ZNF329: variants seen among roughly 807,000 people sequenced by gnomAD.
ZNF329 encodes the protein zinc finger protein 329.
Under a neutral mutation model 26.6 loss-of-function variants are expected in ZNF329, and 15 were observed. That is an observed-to-expected ratio of 0.56 (90% CI 0.38 to 0.87). The LOEUF (loss-of-function observed/expected upper bound fraction) is 0.87, where lower values mean the gene tolerates loss of function less well. Among genes scored for constraint, ZNF329 ranks in the 40% least tolerant of loss-of-function variants. The probability of loss-of-function intolerance (pLI) is 0.00; values close to 1 mark genes in which losing one functional copy is unlikely to be tolerated. For synonymous variants in ZNF329, 239 were observed against 233.5 expected (o/e 1.02, Z -0.21); for missense variants, 651 against 651.9 (o/e 1.00, Z 0.02).
chr19:58,149,395 A>G (rs1000723571), intron 1 of ZNF329, among the ~76,000 whole-genome samples: 1 of 151,962 alleles, frequency 6.6e-6, no homozygotes, highest in Non-Finnish European at 1.5e-5. Flanking sequence ...AGATATAAGA[A>G]CCCTCTGTTG....
chr19:58,142,936 C>G (rs1034126433), intron 2 of ZNF329, among the ~76,000 whole-genome samples, 169 bp downstream of exon 2: 2 of 152,188 alleles, frequency 1.3e-5, no homozygotes, highest in Admixed American at 6.6e-5. Flanking sequence ...CAACCCCAAC[C>G]CCATTACCTA....
chr19:58,147,556 G>GCC (rs1169185332), intron 1 of ZNF329, among the ~76,000 whole-genome samples: 1 of 139,404 alleles, frequency 7.2e-6, no homozygotes, highest in African/African-American at 2.8e-5. Context: ...GGGGGGGTCA[G>GCC]CCCCCCGCCC....
intron 3 of ZNF329, among the ~76,000 whole-genome samples, chr19:58,137,318 C>T (rs1040307559): frequency 1.3e-5 from 2 of 152,108 alleles, no homozygotes; most frequent in South Asian, 4.2e-4. Flanking sequence ...CTTTGGGAGG[C>T]CGAGGCAGGT....
At position 58,138,538 on chromosome 19, in the gene ZNF329, G is replaced by A. The variant is rs987629199; in HGVS notation, c.-9+4019C>T. Among the ~76,000 whole-genome samples the A allele has an allele frequency of 6.6e-5, 10 of 152,294 alleles. No individual in the cohort carries two copies. The East Asian group carries it at 1.2e-3, about 18-fold the overall frequency. On this transcript the variant is annotated intron_variant, in intron 3 of 3. Coordinates refer to ENST00000598312, the MANE Select transcript of ZNF329 (RefSeq NM_024620.4). The stretch of plus-strand genomic sequence containing the variant: ...CCTGGATGCTACAAGGACCCCTCCC[G>A]TGGAAAGGGCTCCTGAAGCTGCCCT...
intron 1 of ZNF329, among the ~76,000 whole-genome samples, chr19:58,150,411 C>A (rs986861501): frequency 6.6e-6 from 1 of 152,180 alleles, no homozygotes; most frequent in African/African-American, 2.4e-5. Context: ...ACCCAGCAGG[C>A]GTGGCAAAAC....
intron 1 of ZNF329, among the ~76,000 whole-genome samples, chr19:58,144,372 C>CTATG (rs2075254469): frequency 6.3e-5 from 5 of 79,492 alleles, no homozygotes; most frequent in Non-Finnish European, 1.3e-4. Flanking sequence ...ATCTATCTAT[C>CTATG]TATCTATCTA....
At chr19:58,147,858 G>T (rs898811051) in intron 1 of ZNF329, among the ~76,000 whole-genome samples, 5 of 151,082 alleles carry the variant, frequency 3.3e-5, no homozygotes, top group Non-Finnish European at 5.9e-5. Context: ...GAAGTGAGGA[G>T]CCCCTATGCC....
At chr19:58,152,217 T>C (rs527901517), upstream of ZNF329, among the ~76,000 whole-genome samples, 38 of 152,232 alleles carry the variant, frequency 2.5e-4, no homozygotes, top group Middle Eastern at 3.4e-3. Flanking sequence ...ATGGAAAGTA[T>C]TTTTTTAATT....
At chr19:58,149,969 T>G (rs904371773) in intron 1 of ZNF329, among the ~76,000 whole-genome samples, 3 of 152,198 alleles carry the variant, frequency 2.0e-5, no homozygotes, top group Non-Finnish European at 4.4e-5. Context: ...GGTGGATTAA[T>G]GAATGGCTGA....
At position 58,148,528 on chromosome 19, in the gene ZNF329, GATA is replaced by G. The variant is rs1180523835; in HGVS notation, c.-208+2221_-208+2223del. On this transcript the variant is annotated intron_variant, in intron 1 of 3. Coordinates refer to ENST00000598312, the MANE Select transcript of ZNF329 (RefSeq NM_024620.4). ...AAAAAAAAAAAGTATACTTGGGTGT[GATA>G]ATAACACTAGTTTTGTTTAAATGTT... 2.0e-5 allele frequency among the ~76,000 whole-genome samples: 3 copies of G among 151,496 alleles called. No homozygotes were observed. The South Asian group carries it at 6.2e-4, about 32-fold the overall frequency.
chr19:58,142,879 G>A (rs1244475266), intron 2 of ZNF329, among the ~76,000 whole-genome samples: 1 of 152,070 alleles, frequency 6.6e-6, no homozygotes, highest in Non-Finnish European at 1.5e-5. Context: ...AGAAAGTCTG[G>A]GAGTTTCCTC....
At chr19:58,135,248 T>C (rs555518735) in intron 3 of ZNF329, among the ~76,000 whole-genome samples, 1 of 151,962 alleles carries the variant, frequency 6.6e-6, no homozygotes, top group African/African-American at 2.4e-5. Flanking sequence ...CAACCAGCCA[T>C]AGTGGGAGGT....
intron 3 of ZNF329, among the ~76,000 whole-genome samples, chr19:58,142,122 A>C (rs1166156380): frequency 1.3e-5 from 2 of 152,312 alleles, no homozygotes; most frequent in Non-Finnish European, 2.9e-5. Flanking sequence ...AAGTCTAACA[A>C]GCCACATACA....
Position 58,128,350 on chromosome 19 carries a change from TGA to T in ZNF329, c.1152_1153del (p.His385ProfsTer15), listed in dbSNP as rs1445012676. The T allele has an allele frequency of 1.2e-6, 2 of 1,613,940 alleles. No individual in the cohort carries two copies. The highest frequency in any genetic ancestry group is 1.7e-6 in the Non-Finnish European group (2 of 1,180,024). ...ATGGATCTTTTGATGCACAATGAGG[TGA>T]GAGTTTCTGTTGAAGGATTTCCCGC... On this transcript the variant is annotated frameshift_variant, in exon 4 of 4. Transcript: ENST00000598312. LOFTEE classifies it high-confidence loss of function.
chr19:58,143,595 C>A (rs1777918954), intron 1 of ZNF329, among the ~76,000 whole-genome samples: 1 of 151,990 alleles, frequency 6.6e-6, no homozygotes. Flanking sequence ...GGACAGAGCC[C>A]CAAACAGACT....
In ZNF329 at chr19:58,129,475, A is replaced by AAAGG. The variant is rs765331911; in HGVS notation, c.28_29insCCTT (p.Phe10SerfsTer4). ...ATCACAGGGTACTTCTCTCTCAGGA[A>AAAGG]AATTCCGAGTCGTCATTTTCAATCT... On this transcript the variant is annotated frameshift_variant, in exon 4 of 4. Coordinates refer to ENST00000598312, the MANE Select transcript of ZNF329 (RefSeq NM_024620.4). LOFTEE classifies it low-confidence loss of function (END_TRUNC). 1.4e-5 allele frequency: 23 copies of AAAGG among 1,597,994 alleles called. No homozygotes were observed. The highest frequency in any genetic ancestry group is 2.0e-5 in the Non-Finnish European group (23 of 1,171,972).
At chr19:58,145,314 CTTTTTTTTTTTTT>C (rs71188087) in intron 1 of ZNF329, among the ~76,000 whole-genome samples, 5 of 106,174 alleles carry the variant, frequency 4.7e-5, no homozygotes, top group Non-Finnish European at 5.4e-5. Context: ...TTTTTTCTTC[CTTTTTTTTTTTTT>C]TTTTTTTTTT....
At chr19:58,139,887 G>C (rs1029155647) in intron 3 of ZNF329, among the ~76,000 whole-genome samples, 10 of 152,242 alleles carry the variant, frequency 6.6e-5, no homozygotes, top group Admixed American at 5.2e-4. Flanking sequence ...ACAATAACAA[G>C]TATTGGCAAG....
rs777192522 is a variant in ZNF329, at chr19:58,128,937, C to T, written c.567G>A (p.Ser189=). The part of the protein sequence containing the change: ...NFENIFTLSS[S]LNENQRNLPG... The stretch of plus-strand genomic sequence containing the variant: ...GGAGATTTCTCTGGTTTTCATTAAG[C>T]GATGAGCTCAGAGTAAAGATGTTCT... The change falls in exon 4 of 4, where the codon TCG becomes TCA. Residue 189 remains serine (S), a synonymous_variant. Transcript: ENST00000598312. 54 of 1,613,906 alleles carry T rather than the reference C, an allele frequency of 3.3e-5. No individual in the cohort carries two copies. The highest frequency in any genetic ancestry group is 3.1e-4 in the East Asian group (14 of 44,894).
Sources: allele counts gnomAD v4.1 joint callset (sites outside exome capture counted in the v4.1 genomes callset), GRCh38; gene constraint gnomAD v4.1.1; transcripts MANE v1.5; gene names NCBI Gene and HGNC (gene_info 2026-07-23, HGNC 2026-07-21).